Variants in SORCS3 observed in about 807,000 individuals in gnomAD.
SORCS3 encodes VPS10 domain-containing receptor SorCS3.
In SORCS3, 57 loss-of-function variants were observed where a neutral mutation model predicts 146.3. The observed-to-expected ratio is 0.39, with a 90% CI of 0.31 to 0.49. SORCS3 has a LOEUF of 0.49. Ranked by LOEUF, SORCS3 falls within the 20% of genes least tolerant of loss-of-function variation. The pLI is 0.92. For synonymous variants in SORCS3, 653 were observed against 618.5 expected (o/e 1.06, Z -0.83); for missense variants, 1,341 against 1,575.5 (o/e 0.85, Z 2.52).
At chr10:105,007,549 T>G (rs1253298924) in intron 4 of SORCS3, among the ~76,000 whole-genome samples, 1 of 151,946 alleles carries the variant, frequency 6.6e-6, no homozygotes, top group East Asian at 1.9e-4. Flanking sequence ...GAGTGTGAGT[T>G]TGTGAGAGGG....
At chr10:104,955,748 G>T (rs995859428) in intron 3 of SORCS3, among the ~76,000 whole-genome samples, 1 of 152,158 alleles carries the variant, frequency 6.6e-6, no homozygotes, top group African/African-American at 2.4e-5. Context: ...CAAGACTCCT[G>T]CAGGGATGAC....
intron 1 of SORCS3, among the ~76,000 whole-genome samples, chr10:104,805,517 G>T (rs1374021455): frequency 1.3e-5 from 2 of 152,178 alleles, no homozygotes; most frequent in Non-Finnish European, 2.9e-5. Flanking sequence ...TGAAATTGGA[G>T]GTGGGGCCAA....
intron 8 of SORCS3, among the ~76,000 whole-genome samples, chr10:105,142,281 A>G (rs545720151): frequency 3.2e-4 from 49 of 152,328 alleles, no homozygotes; most frequent in Non-Finnish European, 6.9e-4. Context: ...GCTCCTGGAA[A>G]AGAGCCAAGG....
At chr10:104,755,493 TATC>T (rs1381802311) in intron 1 of SORCS3, among the ~76,000 whole-genome samples, 1 of 152,150 alleles carries the variant, frequency 6.6e-6, no homozygotes, top group African/African-American at 2.4e-5. Flanking sequence ...GAACAGGAAA[TATC>T]ATAAGAGACA....
intron 5 of SORCS3, among the ~76,000 whole-genome samples, chr10:105,082,784 G>A (rs2055633928): frequency 6.6e-6 from 1 of 152,162 alleles, no homozygotes; most frequent in Non-Finnish European, 1.5e-5. Context: ...AGGCTGGAGT[G>A]CAATGGTGCG....
At chr10:104,709,133 C>A (rs2016383512) in intron 1 of SORCS3, among the ~76,000 whole-genome samples, 1 of 152,192 alleles carries the variant, frequency 6.6e-6, no homozygotes, top group African/African-American at 2.4e-5. Context: ...CAGGTTACTT[C>A]TTTCCTTTTT....
At chr10:104,679,432 C>A (rs919392465) in intron 1 of SORCS3, among the ~76,000 whole-genome samples, 1 of 152,162 alleles carries the variant, frequency 6.6e-6, no homozygotes, top group Non-Finnish European at 1.5e-5. Flanking sequence ...TGTCTCATAA[C>A]ACTGGGAGGT....
At chr10:104,837,414 T>C (rs901866807) in intron 1 of SORCS3, among the ~76,000 whole-genome samples, 3 of 152,226 alleles carry the variant, frequency 2.0e-5, no homozygotes, top group Admixed American at 6.5e-5. Context: ...TCTCTGCTAT[T>C]CTCTCTGTGT....
At chr10:104,732,581 A>G (rs981541188) in intron 1 of SORCS3, among the ~76,000 whole-genome samples, 4 of 152,104 alleles carry the variant, frequency 2.6e-5, no homozygotes, top group African/African-American at 4.8e-5. Flanking sequence ...TACTAGAAAG[A>G]TGAACTCCCA....
intron 1 of SORCS3, among the ~76,000 whole-genome samples, chr10:104,772,009 C>T (rs1165426576): frequency 6.6e-6 from 1 of 152,122 alleles, no homozygotes. Flanking sequence ...GAATGTGTAT[C>T]TGGGTGCAGG....
At chr10:104,993,278 G>A (rs1056327053) in intron 4 of SORCS3, among the ~76,000 whole-genome samples, 2 of 152,188 alleles carry the variant, frequency 1.3e-5, no homozygotes, top group African/African-American at 4.8e-5. Flanking sequence ...CACTGTAGAG[G>A]GGATAATCAC....
chr10:104,911,606 A>T (rs997894375), intron 2 of SORCS3, among the ~76,000 whole-genome samples: 1 of 152,204 alleles, frequency 6.6e-6, no homozygotes, highest in Non-Finnish European at 1.5e-5. Context: ...AAAAGATGAT[A>T]GTTGGAAAAC....
At chr10:104,783,560 T>A (rs927361110) in intron 1 of SORCS3, among the ~76,000 whole-genome samples, 2 of 152,146 alleles carry the variant, frequency 1.3e-5, no homozygotes, top group Non-Finnish European at 2.9e-5. Context: ...AAGCCCCGTC[T>A]CTGCAAAAAT....
rs549836072 is a variant in SORCS3 at position 105,027,473 on chromosome 10, T to C, written c.955-15582T>C. Among the ~76,000 whole-genome samples the C allele has an allele frequency of 8.5e-5, 13 of 152,350 alleles. No homozygotes were observed. The South Asian group carries it at 2.5e-3, about 29-fold the overall frequency. ...TAGCAGCTACTGCTTCATGACACTA[T>C]ATAATAATGAGTGGATCCTCATTAT... On this transcript the variant is annotated intron_variant, in intron 4 of 26. Coordinates refer to ENST00000369701, the MANE Select transcript of SORCS3 (RefSeq NM_014978.3).
chr10:105,203,735 G>A (rs186802772), intron 16 of SORCS3, among the ~76,000 whole-genome samples: 558 of 152,134 alleles, frequency 3.7e-3, no homozygotes, highest in Non-Finnish European at 5.8e-3. Flanking sequence ...GACATCTACC[G>A]CATTGGGTCC....
chr10:105,264,857 A>C lies in SORCS3; in HGVS notation c.*1483A>C, dbSNP rs896136189. ...TTATTTTCAGGCTTAGCCTGAGCAC[A>C]CTTATTTTTGAAAATGATATAATGT... On this transcript the variant is annotated 3_prime_UTR_variant, in exon 27 of 27. Transcript: ENST00000369701. 2 of 152,596 alleles carry C rather than the reference A, an allele frequency of 1.3e-5. No homozygotes were observed. Among genetic ancestry groups the C allele is most frequent in the Non-Finnish European group, 2.9e-5 (2 of 68,032 alleles). 9.5% of individuals were successfully genotyped at this position (152,596 alleles called of 1,614,324 possible). A position where few individuals can be genotyped will look rare whatever the true frequency, so the allele number is the denominator to read the frequency against.
At chr10:105,078,463 CTG>C (rs985057031) in intron 5 of SORCS3, among the ~76,000 whole-genome samples, 6 of 152,098 alleles carry the variant, frequency 3.9e-5, no homozygotes, top group Non-Finnish European at 7.4e-5. Flanking sequence ...CTTTCTCACT[CTG>C]TGTCAATAGT....
chr10:105,261,955 T>C (rs1312234482), intron 25 of SORCS3, among the ~76,000 whole-genome samples: 1 of 152,240 alleles, frequency 6.6e-6, no homozygotes, highest in Non-Finnish European at 1.5e-5. Flanking sequence ...ACCTTAGAAA[T>C]AGGTGTCTTT....
intron 13 of SORCS3, among the ~76,000 whole-genome samples, chr10:105,174,528 T>C (rs1245030879): frequency 2.6e-5 from 4 of 151,062 alleles, no homozygotes; most frequent in Non-Finnish European, 4.4e-5. Flanking sequence ...TCTAATGTTA[T>C]TTTTTTTGGA....
Sources: allele counts gnomAD v4.1 joint callset (sites outside exome capture counted in the v4.1 genomes callset), GRCh38; gene constraint gnomAD v4.1.1; transcripts MANE v1.5; gene names NCBI Gene and HGNC (gene_info 2026-07-23, HGNC 2026-07-21).